Variants in FYB2 observed in about 807,000 individuals in gnomAD.
FYB2 encodes the protein FYN-binding protein 2.
Under a neutral mutation model 94.1 loss-of-function variants are expected in FYB2, and 103 were observed. The ratio of observed to expected loss-of-function variants is 1.09; its 90% CI spans 0.93 to 1.29. The LOEUF is 1.29. FYB2 is among the 50% of genes most tolerant of loss of function. The probability of loss-of-function intolerance (pLI) is 0.00; values close to 1 mark genes in which losing one functional copy is unlikely to be tolerated. For synonymous variants in FYB2, 293 were observed against 287.9 expected (o/e 1.02, Z -0.18); for missense variants, 896 against 841.5 (o/e 1.06, Z -0.80).
chr1:56,812,502 A>G (rs1646789148), intron 1 of FYB2, among the ~76,000 whole-genome samples: 2 of 152,238 alleles, frequency 1.3e-5, no homozygotes, highest in African/African-American at 2.4e-5. Flanking sequence ...TTCCAGTATT[A>G]TGATACAAAA....
At chr1:56,810,735 C>G (rs370178391) in intron 1 of FYB2, among the ~76,000 whole-genome samples, 1 of 152,214 alleles carries the variant, frequency 6.6e-6, no homozygotes, top group Admixed American at 6.5e-5. Flanking sequence ...GCATCAGGCA[C>G]TGCTGCCTGG....
intron 4 of FYB2, among the ~76,000 whole-genome samples, chr1:56,786,048 G>C (rs1394572671): frequency 1.3e-5 from 2 of 152,180 alleles, no homozygotes; most frequent in East Asian, 1.9e-4. Flanking sequence ...CCCTGGGCTA[G>C]CTTGCTGGAT....
Position 56,737,074 on chromosome 1 carries a change from G to A in FYB2, c.1793+13C>T. 1 of 1,575,586 alleles carries A rather than the reference G, an allele frequency of 6.3e-7. No homozygotes were observed. Among genetic ancestry groups the A allele is most frequent in the Non-Finnish European group, 8.7e-7 (1 of 1,148,478 alleles). On this transcript the variant is annotated intron_variant, in intron 15 of 19. Coordinates refer to ENST00000343433, the MANE Select transcript of FYB2 (RefSeq NM_001004303.5). ...AATATCAGCAGGGATGACCAATAAG[G>A]TAAATTACTTACTTTGACTCTTTTT...
chr1:56,757,872 C>T (rs61765489), intron 6 of FYB2, among the ~76,000 whole-genome samples: 33,354 of 149,816 alleles, frequency 0.22, 4,475 homozygotes, highest in African/African-American at 0.38. Flanking sequence ...TGGGCTTAAA[C>T]GGTCCTCCTG....
intron 1 of FYB2, among the ~76,000 whole-genome samples, chr1:56,800,932 G>C (rs1227730560): frequency 1.3e-5 from 2 of 152,124 alleles, no homozygotes; most frequent in Non-Finnish European, 2.9e-5. Context: ...GTTAGCCGAT[G>C]ACTTGTCTTC....
intron 1 of FYB2, among the ~76,000 whole-genome samples, chr1:56,804,877 C>G (rs1284899647): frequency 1.3e-5 from 2 of 152,170 alleles, no homozygotes; most frequent in Admixed American, 6.5e-5. Context: ...CTTCTCTGAT[C>G]TTTTCCTGTC....
At chr1:56,755,948 G>A in intron 6 of FYB2, 21 bp from the exon 7 acceptor site, 1 of 1,604,884 alleles carries the variant, frequency 6.2e-7, no homozygotes, top group Non-Finnish European at 8.5e-7. Context: ...AGTGGAAAAT[G>A]GTTATTTTCA....
intron 1 of FYB2, among the ~76,000 whole-genome samples, chr1:56,797,033 A>G (rs1291217382): frequency 1.3e-5 from 2 of 152,202 alleles, no homozygotes; most frequent in African/African-American, 2.4e-5. Context: ...TATATGGCAC[A>G]AAGTCTGTGG....
intron 1 of FYB2, among the ~76,000 whole-genome samples, chr1:56,797,929 G>A (rs1373981413): frequency 6.6e-6 from 1 of 152,090 alleles, no homozygotes; most frequent in Non-Finnish European, 1.5e-5. Context: ...TACTTTGTTT[G>A]TATTTCAGTA....
At position 56,792,707 on chromosome 1, in the gene FYB2, G is replaced by C; in HGVS notation, c.106C>G (p.Pro36Ala). ...GPIKFPAGVS[P>A]KGDIGGTQST... ...TGTGTGCCTCCAATGTCACCCTTTGGAGAAACACCTGCTGGGAATTTAATA... is the reference window on the plus strand; with the variant it reads ...TGTGTGCCTCCAATGTCACCCTTTGCAGAAACACCTGCTGGGAATTTAATA... The change falls in exon 2 of 20, where the codon CCA becomes GCA. Residue 36 changes from proline to alanine, a missense_variant. Physicochemically the swap from Pro to Ala is conservative, Grantham distance 27 (BLOSUM62 -1). Coordinates refer to ENST00000343433, the MANE Select transcript of FYB2 (RefSeq NM_001004303.5). 1 of 1,614,066 alleles carries C rather than the reference G, an allele frequency of 6.2e-7. No homozygotes were observed. The highest frequency in any genetic ancestry group is 8.5e-7 in the Non-Finnish European group (1 of 1,180,008).
At chr1:56,753,788 T>A in intron 8 of FYB2, 51 bp downstream of exon 8, 1 of 1,316,868 alleles carries the variant, frequency 7.6e-7, no homozygotes, top group Non-Finnish European at 1.1e-6. Flanking sequence ...GTCACCCCCA[T>A]GAACTGATCT....
chr1:56,790,744 G>C (rs1415532001), intron 2 of FYB2, among the ~76,000 whole-genome samples: 3 of 152,206 alleles, frequency 2.0e-5, no homozygotes, highest in Non-Finnish European at 4.4e-5. Flanking sequence ...GCATTACAGA[G>C]ATCCATTAGT....
intron 1 of FYB2, among the ~76,000 whole-genome samples, chr1:56,800,519 C>T (rs1418462850): frequency 1.3e-5 from 2 of 151,960 alleles, no homozygotes; most frequent in East Asian, 1.9e-4. Context: ...TAATTGCACC[C>T]CCATTATCTG....
intron 1 of FYB2, among the ~76,000 whole-genome samples, chr1:56,815,233 C>G (rs963972852): frequency 3.9e-5 from 6 of 152,140 alleles, no homozygotes; most frequent in Non-Finnish European, 7.3e-5. Context: ...CCTTCTCCCC[C>G]TCCTTCACTC....
intron 1 of FYB2, among the ~76,000 whole-genome samples, chr1:56,804,550 C>T (rs1646595740): frequency 6.6e-6 from 1 of 151,958 alleles, no homozygotes; most frequent in South Asian, 2.1e-4. Context: ...CATGGTGAAA[C>T]CTCATCTCTA....
rs539851506 is a variant in FYB2, at chr1:56,724,274, A to G, written c.1881-593T>C. 3.9e-5 allele frequency among the ~76,000 whole-genome samples: 6 copies of G among 152,190 alleles called. No individual in the cohort carries two copies. The East Asian group carries it at 1.2e-3, about 29-fold the overall frequency. ...TGAATACCATTAAGAAAATAAAGAA[A>G]GATGCCACAAAACGTGTGAGAATTT... On this transcript the variant is annotated intron_variant, in intron 16 of 19. Transcript: ENST00000343433.
chr1:56,820,666 A>G (rs1646981362), upstream of FYB2, among the ~76,000 whole-genome samples: 1 of 152,248 alleles, frequency 6.6e-6, no homozygotes, highest in Non-Finnish European at 1.5e-5. Context: ...GAATCTATCA[A>G]AAATACAGGA....
chr1:56,797,077 C>T (rs959174896), intron 1 of FYB2, among the ~76,000 whole-genome samples: 1 of 152,054 alleles, frequency 6.6e-6, no homozygotes, highest in African/African-American at 2.4e-5. Context: ...TGATGCAAAC[C>T]TGGTTGCCAA....
chr1:56,722,536 G>C (rs1644505864), intron 17 of FYB2, among the ~76,000 whole-genome samples: 1 of 151,968 alleles, frequency 6.6e-6, no homozygotes, highest in African/African-American at 2.4e-5. Context: ...GCCTCGACTG[G>C]GTCTTGATAA....
Sources: allele counts gnomAD v4.1 joint callset (sites outside exome capture counted in the v4.1 genomes callset), GRCh38; gene constraint gnomAD v4.1.1; transcripts MANE v1.5; gene names NCBI Gene and HGNC (gene_info 2026-07-23, HGNC 2026-07-21).